Variants in NLRC5 observed in about 807,000 individuals in gnomAD.
The protein encoded by NLRC5 is protein NLRC5.
In NLRC5, 114 loss-of-function variants were observed where a neutral mutation model predicts 206.9. The observed-to-expected ratio is 0.55, with a 90% CI of 0.47 to 0.64. The LOEUF (loss-of-function observed/expected upper bound fraction) is 0.64, where lower values mean the gene tolerates loss of function less well. Among genes scored for constraint, NLRC5 ranks in the 30% least tolerant of loss-of-function variants. The pLI is 0.00. For synonymous variants in NLRC5, 952 were observed against 962.8 expected (o/e 0.99, Z 0.21); for missense variants, 2,008 against 2,305.5 (o/e 0.87, Z 2.64).
At chr16:57,033,912 T>A (rs2062184858) in intron 12 of NLRC5, among the ~76,000 whole-genome samples, 1 of 152,170 alleles carries the variant, frequency 6.6e-6, no homozygotes, top group Non-Finnish European at 1.5e-5. Flanking sequence ...GCACTAGATG[T>A]TTTACATCCA....
intron 1 of NLRC5, among the ~76,000 whole-genome samples, chr16:56,996,521 G>A (rs909355892): frequency 2.0e-5 from 3 of 151,982 alleles, no homozygotes; most frequent in Admixed American, 6.6e-5. Flanking sequence ...TCAGTTCGTG[G>A]CAAGTGGTAC....
At chr16:57,045,030 C>A (rs1169409085) in intron 20 of NLRC5, among the ~76,000 whole-genome samples, 1 of 152,072 alleles carries the variant, frequency 6.6e-6, no homozygotes, top group Non-Finnish European at 1.5e-5. Context: ...CATGGCAAAA[C>A]CCCATCTCTA....
chr16:57,027,849 G>T (rs561416434), intron 6 of NLRC5, among the ~76,000 whole-genome samples: 107 of 152,334 alleles, frequency 7.0e-4, no homozygotes, highest in African/African-American at 2.5e-3. Context: ...CTGCAAGGGA[G>T]GCTGGGAAAT....
At position 57,055,534 on chromosome 16, in the gene NLRC5, G is replaced by C. The variant is rs1365313938; in HGVS notation, c.3746+15G>C. 1.9e-6 allele frequency: 3 copies of C among 1,607,238 alleles called. No individual in the cohort carries two copies. Among genetic ancestry groups the C allele is most frequent in the Non-Finnish European group, 2.6e-6 (3 of 1,174,216 alleles). ...AGCCAGGTGGAGTAAGTTGAGGGAG[G>C]AGGAGGAAGGAGAGGAGCATGGACG... On this transcript the variant is annotated intron_variant, in intron 27 of 48. Coordinates refer to ENST00000688547, the MANE Select transcript of NLRC5 (RefSeq NM_001384950.1).
intron 1 of NLRC5, among the ~76,000 whole-genome samples, chr16:56,999,690 G>A (rs2058034270): frequency 6.6e-6 from 1 of 152,262 alleles, no homozygotes; most frequent in Non-Finnish European, 1.5e-5. Context: ...CCTGGGAAGG[G>A]GATAAAGCTG....
In NLRC5 at chr16:57,022,220, GC is replaced by G; in HGVS notation, c.296-32del. The G allele has an allele frequency of 1.9e-6, 3 of 1,581,236 alleles. No individual in the cohort carries two copies. In the South Asian group the frequency reaches 3.4e-5, roughly 18 times the overall value. On this transcript the variant is annotated intron_variant, in intron 3 of 48. Coordinates refer to ENST00000688547, the MANE Select transcript of NLRC5 (RefSeq NM_001384950.1). ...AGCTGGTCCCCAGCATCCCTCGACA[GC>G]CCCATACCACATTATACTCTCCCCT...
At chr16:57,044,814 G>A (rs1355142566) in intron 20 of NLRC5, among the ~76,000 whole-genome samples, 3 of 151,970 alleles carry the variant, frequency 2.0e-5, no homozygotes, top group Non-Finnish European at 4.4e-5. Context: ...GGAGGCTGAG[G>A]TGGGAGGATT....
chr16:57,057,991 C>A, intron 27 of NLRC5, 74 bp from the exon 28 acceptor site: 1 of 1,216,752 alleles, frequency 8.2e-7, no homozygotes, highest in Non-Finnish European at 1.2e-6. Flanking sequence ...TGGATGCAGG[C>A]TCCTGGTGAC....
chr16:57,034,333 G>A, intron 13 of NLRC5, 82 bp downstream of exon 13: 1 of 997,086 alleles, frequency 1.0e-6, no homozygotes, highest in Non-Finnish European at 1.5e-6. Flanking sequence ...TTGGGTGGGT[G>A]GTGTGGGGGA....
Position 57,082,640 on chromosome 16 carries a change from A to G in NLRC5, c.*112A>G. On this transcript the variant is annotated 3_prime_UTR_variant, in exon 49 of 49. Transcript: ENST00000688547. ...GAAGAGCCTCGGCAGGGCGCTCTGC[A>G]CTCCACCCAGGAGGAAGGATACGTG... is the stretch of plus-strand genomic sequence containing the variant. 2 of 728,830 alleles carry G rather than the reference A, an allele frequency of 2.7e-6. No homozygotes were observed. The highest frequency in any genetic ancestry group is 4.6e-6 in the Non-Finnish European group (2 of 439,360). The allele number at this position is 728,830 out of a possible 1,614,324, so 45.1% of individuals were successfully genotyped here. A position where few individuals can be genotyped will look rare whatever the true frequency, so the allele number is the denominator to read the frequency against.
intron 42 of NLRC5, 30 bp from the exon 43 acceptor site, chr16:57,077,913 T>TACTC: frequency 6.2e-7 from 1 of 1,611,460 alleles, no homozygotes; most frequent in Non-Finnish European, 8.5e-7. Context: ...GCAGGCCCAG[T>TACTC]ACTCAATGCT....
intron 1 of NLRC5, chr16:56,992,317 C>T (rs1432738823): frequency 3.3e-5 from 5 of 152,186 alleles, no homozygotes; most frequent in Non-Finnish European, 7.3e-5. Context: ...ACGAATACAC[C>T]ATCCCAGCAT....
chr16:57,072,140 C>T (rs977246352), intron 38 of NLRC5, among the ~76,000 whole-genome samples: 1 of 152,122 alleles, frequency 6.6e-6, no homozygotes, highest in Non-Finnish European at 1.5e-5. Flanking sequence ...ATTTGTCAGG[C>T]TTCTCTCTCA....
chr16:57,055,738 G>A (rs193126086), intron 27 of NLRC5, among the ~76,000 whole-genome samples: 1 of 152,176 alleles, frequency 6.6e-6, no homozygotes, highest in Admixed American at 6.5e-5. Flanking sequence ...CTAGTTCCAT[G>A]GTGTGCCCTC....
At position 57,081,609 on chromosome 16, in the gene NLRC5, C is replaced by T. The variant is rs771301604; in HGVS notation, c.5488C>T (p.Arg1830Cys). The T allele has an allele frequency of 1.2e-5, 19 of 1,613,466 alleles. No individual in the cohort carries two copies. The highest frequency in any genetic ancestry group is 4.0e-5 in the African/African-American group (3 of 74,920). Residue 1830 changes from arginine (R) to cysteine (C), a missense_variant and splice_region_variant, in exon 48 of 49, where the codon CGC (arginine) becomes TGC (cysteine). By Grantham distance (180) the Arg-to-Cys change is radical. Coordinates refer to ENST00000688547, the MANE Select transcript of NLRC5 (RefSeq NM_001384950.1). ...CCAGGGGTCTAGCATCCAAGTCATC[C>T]GGTAACAGAGGCCTGCAGGGGCAGG... Reference protein sequence around the residue: ...LAQGSSIQVIRLWNNPIPCDM... With the variant: ...LAQGSSIQVICLWNNPIPCDM...
intron 27 of NLRC5, among the ~76,000 whole-genome samples, chr16:57,057,675 C>T (rs2065861537): frequency 6.6e-6 from 1 of 152,148 alleles, no homozygotes; most frequent in African/African-American, 2.4e-5. Flanking sequence ...GCTGGAGGCA[C>T]CTGAGCTATG....
At chr16:57,018,210 G>T (rs2060285315) in intron 2 of NLRC5, among the ~76,000 whole-genome samples, 1 of 152,208 alleles carries the variant, frequency 6.6e-6, no homozygotes, top group Non-Finnish European at 1.5e-5. Flanking sequence ...GCCTGGAAAA[G>T]AAGTTATGCC....
At chr16:57,068,661 C>G (rs1400539059) in intron 36 of NLRC5, among the ~76,000 whole-genome samples, 1 of 152,156 alleles carries the variant, frequency 6.6e-6, no homozygotes, top group Non-Finnish European at 1.5e-5. Context: ...ATTATAAAAT[C>G]CAGGAAATGT....
chr16:57,071,818 C>T (rs1215701132), intron 38 of NLRC5, among the ~76,000 whole-genome samples: 1 of 148,992 alleles, frequency 6.7e-6, no homozygotes, highest in African/African-American at 2.5e-5. Flanking sequence ...TGAGGGATGA[C>T]AGTGGTTAAT....
Sources: gnomAD v4.1 joint callset for allele counts (sites outside exome capture counted in the v4.1 genomes callset) on GRCh38, gnomAD v4.1.1 for gene constraint, MANE v1.5 for transcripts, NCBI Gene and HGNC (gene_info 2026-07-23, HGNC 2026-07-21) for gene names.